NEK5: variants seen among roughly 807,000 people sequenced by gnomAD.
NEK5 encodes serine/threonine-protein kinase Nek5.
In NEK5, 88 loss-of-function variants were observed where a neutral mutation model predicts 109.2. The observed-to-expected ratio is 0.81, with a 90% confidence interval of 0.68 to 0.96. The LOEUF (loss-of-function observed/expected upper bound fraction) is 0.96, where lower values mean the gene tolerates loss of function less well. NEK5 is among the 40% of genes least tolerant of loss of function. NEK5 has a pLI of 0.00. For synonymous variants in NEK5, 283 were observed against 299.9 expected, an observed-to-expected ratio of 0.94 and a Z score of 0.58; for missense variants, 834 against 920.7, an observed-to-expected ratio of 0.91 and a Z score of 1.22.
At chr13:52,106,108 G>A (rs889245653) in intron 8 of NEK5, among the ~76,000 whole-genome samples, 3 of 151,488 alleles carry the variant, frequency 2.0e-5, no homozygotes, top group Non-Finnish European at 2.9e-5. Context: ...CCTACTTTCC[G>A]TCCAACACAC....
chr13:52,122,704 T>C (rs1955993322), intron 3 of NEK5, among the ~76,000 whole-genome samples: 1 of 152,070 alleles, frequency 6.6e-6, no homozygotes, highest in African/African-American at 2.4e-5. Flanking sequence ...GAGGCAGAGA[T>C]TGCAGTGAGC....
Position 52,086,328 on chromosome 13 carries a change from C to T in NEK5, c.1428G>A (p.Gln476=). The T allele has an allele frequency of 6.2e-7, 1 of 1,612,982 alleles. No individual in the cohort carries two copies. The highest frequency in any genetic ancestry group is 8.5e-7 in the Non-Finnish European group (1 of 1,179,040). The change falls in exon 16 of 24, where the codon CAG becomes CAA. Residue 476 remains glutamine, a synonymous_variant. Transcript: ENST00000684899. Reference sequence around the variant, plus strand: ...TAATTTCTTTCATGTCATTGTGGTACTGTTGGCGTATTTCCTCTAACTGCT... The same window carrying T: ...TAATTTCTTTCATGTCATTGTGGTATTGTTGGCGTATTTCCTCTAACTGCT... ...YWKQLEEIRQ[Q]YHNDMKEIRK...
At chr13:52,086,201 A>G in intron 16 of NEK5, 76 bp downstream of exon 16, 1 of 934,430 alleles carries the variant, frequency 1.1e-6, no homozygotes, top group South Asian at 1.4e-5. Context: ...TAAGGAAATC[A>G]TTACTTTTAA....
At chr13:52,047,697 C>G (rs768527033) in intron 23 of NEK5, among the ~76,000 whole-genome samples, 1 of 151,824 alleles carries the variant, frequency 6.6e-6, no homozygotes, top group African/African-American at 2.4e-5. Flanking sequence ...AAAAATTAGC[C>G]GGCCATGGTG....
In NEK5 at chr13:52,087,383, A is replaced by G. The variant is rs750815695; in HGVS notation, c.1347T>C (p.Pro449=). The G allele has an allele frequency of 3.1e-6, 5 of 1,611,780 alleles. No individual in the cohort carries two copies. Among genetic ancestry groups the G allele is most frequent in the African/African-American group, 1.3e-5 (1 of 74,896 alleles). The change falls in exon 15 of 24, where the codon CCT becomes CCC. Residue 449 remains proline (P), a synonymous_variant. Coordinates refer to ENST00000684899, the MANE Select transcript of NEK5 (RefSeq NM_001365552.1). ...TCCTAAATGGCAGCTCCTGGAATCT[A>G]GGCTCTTCTCCATTACTTCTTAGCT... The part of the protein sequence containing the change: ...RQELRSNGEE[P]RFQELPFRKN...
intron 16 of NEK5, among the ~76,000 whole-genome samples, chr13:52,085,330 C>T (rs1022199458): frequency 6.6e-6 from 1 of 152,194 alleles, no homozygotes; most frequent in African/African-American, 2.4e-5. Context: ...GTCTATTACA[C>T]CTCTTTTTCT....
chr13:52,035,359 A>T lies in NEK5; in HGVS notation c.*1589T>A, dbSNP rs1448435799. ...GTAAACAGACCTTAGAAATAATCTG[A>T]CCCACCTTACCTCATCTTTGTTTTC... is the stretch of plus-strand genomic sequence containing the variant. On this transcript the variant is annotated 3_prime_UTR_variant, in exon 24 of 24. Transcript: ENST00000684899. 2.0e-5 allele frequency: 3 copies of T among 152,204 alleles called. No homozygotes were observed. Among genetic ancestry groups the T allele is most frequent in the Non-Finnish European group, 4.4e-5 (3 of 68,032 alleles). 9.4% of individuals were successfully genotyped at this position (152,204 alleles called of 1,614,324 possible).
At chr13:52,112,635 TGA>T (rs1181062701) in intron 4 of NEK5, among the ~76,000 whole-genome samples, 2 of 152,224 alleles carry the variant, frequency 1.3e-5, no homozygotes, top group Admixed American at 6.5e-5. Context: ...CTGTACATAA[TGA>T]GAGTTTAAGA....
At chr13:52,083,138 C>G in intron 17 of NEK5, 122 bp downstream of exon 17, 2 of 628,586 alleles carry the variant, frequency 3.2e-6, no homozygotes, top group Non-Finnish European at 5.7e-6. Context: ...GAGTGAGACT[C>G]CGTCTCATAG....
chr13:52,069,572 T>C (rs1954751919), intron 20 of NEK5, among the ~76,000 whole-genome samples: 1 of 152,190 alleles, frequency 6.6e-6, no homozygotes, highest in South Asian at 2.1e-4. Flanking sequence ...AATCTCAACA[T>C]GTTCCAAATT....
At chr13:52,066,399 TTAG>T (rs908047047) in intron 20 of NEK5, among the ~76,000 whole-genome samples, 40 of 152,210 alleles carry the variant, frequency 2.6e-4, no homozygotes, top group Admixed American at 2.5e-3. Flanking sequence ...ATTCTAGGGG[TTAG>T]TATGATTTGC....
At chr13:52,079,981 G>C (rs1954955657) in intron 17 of NEK5, among the ~76,000 whole-genome samples, 1 of 142,950 alleles carries the variant, frequency 7.0e-6, no homozygotes, top group South Asian at 2.2e-4. Context: ...GAGCGTCTCT[G>C]CCCGGCCGCC....
rs1954341146 is a variant in NEK5, at chr13:52,034,589, T to C, written c.*2359A>G. ...AGTGCAGTGATGTGATCACGGATTA[T>C]GGCTCACTGTAGCCTCAACCTCCCA... On this transcript the variant is annotated 3_prime_UTR_variant, in exon 24 of 24. Coordinates refer to ENST00000684899, the MANE Select transcript of NEK5 (RefSeq NM_001365552.1). 1 of 150,528 alleles carries C rather than the reference T, an allele frequency of 6.6e-6. No homozygotes were observed. Among genetic ancestry groups the C allele is most frequent in the African/African-American group, 2.4e-5 (1 of 40,854 alleles). 9.3% of individuals were successfully genotyped at this position (150,528 alleles called of 1,614,324 possible).
At chr13:52,088,611 C>A (rs767454758) in intron 14 of NEK5, among the ~76,000 whole-genome samples, 1 of 151,996 alleles carries the variant, frequency 6.6e-6, no homozygotes, top group African/African-American at 2.4e-5. Context: ...CAAAGCACTA[C>A]AGCACTGCAA....
intron 23 of NEK5, among the ~76,000 whole-genome samples, chr13:52,038,879 G>A (rs1303859021): frequency 3.4e-5 from 5 of 149,156 alleles, no homozygotes; most frequent in African/African-American, 9.8e-5. Context: ...CTCTTTCAGC[G>A]AGCCTAACTC....
At chr13:52,086,171 ATAAAACT>A in intron 16 of NEK5, 99 bp downstream of exon 16, 1 of 797,768 alleles carries the variant, frequency 1.3e-6, no homozygotes, top group Middle Eastern at 2.3e-4. Context: ...TATCTCTATG[ATAAAACT>A]TTATCTTTTC....
rs896239732 is a variant in NEK5 at position 52,092,919 on chromosome 13, T to C, written c.1208+135A>G. 13 of 613,496 alleles carry C rather than the reference T, an allele frequency of 2.1e-5. No individual in the cohort carries two copies. In the African/African-American group the frequency reaches 2.4e-4, roughly 11 times the overall value. The allele number at this position is 613,496 out of a possible 1,614,324, so 38.0% of individuals were successfully genotyped here. ...CAAAAGAAAAAGGTCAAGGGAACTA[T>C]GTGTTTAAAATGAAGATTTGGAAAG... On this transcript the variant is annotated intron_variant, in intron 13 of 23. Transcript: ENST00000684899.
rs1284655984 is a variant in NEK5, at chr13:52,086,168, A to G, written c.1479+109T>C. On this transcript the variant is annotated intron_variant, in intron 16 of 23. Coordinates refer to ENST00000684899, the MANE Select transcript of NEK5 (RefSeq NM_001365552.1). Reference sequence around the variant, plus strand: ...AAAAGAAGTCTACATGATTATCTCTATGATAAAACTTTATCTTTTCTATAA... The same window carrying G: ...AAAAGAAGTCTACATGATTATCTCTGTGATAAAACTTTATCTTTTCTATAA... 3 of 774,302 alleles carry G rather than the reference A, an allele frequency of 3.9e-6. No homozygotes were observed. In the South Asian group the frequency reaches 4.6e-5, roughly 12 times the overall value. 48.0% of individuals were successfully genotyped at this position (774,302 alleles called of 1,614,324 possible). A position where few individuals can be genotyped will look rare whatever the true frequency, so the allele number is the denominator to read the frequency against.
intron 23 of NEK5, among the ~76,000 whole-genome samples, chr13:52,039,266 G>A (rs1954394373): frequency 6.6e-6 from 1 of 152,176 alleles, no homozygotes; most frequent in Non-Finnish European, 1.5e-5. Context: ...GGAGTGAGCT[G>A]AGGGATGAGG....
Sources: gnomAD v4.1 joint callset for allele counts (sites outside exome capture counted in the v4.1 genomes callset) on GRCh38, gnomAD v4.1.1 for gene constraint, MANE v1.5 for transcripts, NCBI Gene and HGNC (gene_info 2026-07-23, HGNC 2026-07-21) for gene names.